The following R3HDM2 variants were observed in gnomAD, a reference collection of about 807,000 sequenced individuals.
R3HDM2 encodes the protein R3H domain-containing protein 2.
Under a neutral mutation model 124.5 loss-of-function variants are expected in R3HDM2, and 38 were observed. The ratio of observed to expected loss-of-function variants is 0.31; its 90% CI spans 0.24 to 0.40. The LOEUF is 0.40. Among genes scored for constraint, R3HDM2 ranks in the 10% least tolerant of loss-of-function variants. The pLI, the probability that R3HDM2 is intolerant of heterozygous loss-of-function variation, is 1.00. For synonymous variants in R3HDM2, 391 were observed against 448.0 expected (o/e 0.87, Z 1.61); for missense variants, 869 against 1,236.9 (o/e 0.70, Z 4.46).
chr12:57,370,407 G>GTGGA (rs2063193287), intron 2 of R3HDM2, among the ~76,000 whole-genome samples: 2 of 127,468 alleles, frequency 1.6e-5, no homozygotes. Flanking sequence ...CGGGGGGGGG[G>GTGGA]GGCGGGGTGG....
intron 2 of R3HDM2, among the ~76,000 whole-genome samples, chr12:57,388,165 A>G (rs1008763331): frequency 6.6e-6 from 1 of 151,962 alleles, no homozygotes; most frequent in Non-Finnish European, 1.5e-5. Context: ...GGGTTTCACC[A>G]TGTTGGCCAG....
chr12:57,350,237 T>TA (rs2137220766), intron 2 of R3HDM2, among the ~76,000 whole-genome samples: 1 of 151,706 alleles, frequency 6.6e-6, no homozygotes, highest in South Asian at 2.1e-4. Flanking sequence ...AAAAATAAAA[T>TA]AAAATACATT....
intron 11 of R3HDM2, among the ~76,000 whole-genome samples, chr12:57,289,933 A>G (rs551787107): frequency 1.9e-4 from 29 of 152,360 alleles, no homozygotes; most frequent in African/African-American, 6.7e-4. Flanking sequence ...TCTTTGGAGT[A>G]TGATGGGCTT....
chr12:57,353,218 T>C (rs1205470631), intron 2 of R3HDM2, among the ~76,000 whole-genome samples: 1 of 152,038 alleles, frequency 6.6e-6, no homozygotes, highest in Non-Finnish European at 1.5e-5. Context: ...AGTTTTTTTG[T>C]GAAACATACA....
At chr12:57,374,584 G>A (rs1345882025) in intron 2 of R3HDM2, among the ~76,000 whole-genome samples, 4 of 147,290 alleles carry the variant, frequency 2.7e-5, no homozygotes, top group Middle Eastern at 3.6e-3. Flanking sequence ...TTGGGAGGCT[G>A]AGGCAGGAGA....
At chr12:57,381,368 A>G (rs148518383) in intron 2 of R3HDM2, among the ~76,000 whole-genome samples, 3 of 152,236 alleles carry the variant, frequency 2.0e-5, no homozygotes, top group East Asian at 1.9e-4. Context: ...CCTGGCCAAC[A>G]TGGCGAAACC....
At chr12:57,397,204 A>G (rs561255752) in intron 1 of R3HDM2, among the ~76,000 whole-genome samples, 1 of 152,238 alleles carries the variant, frequency 6.6e-6, no homozygotes, top group Non-Finnish European at 1.5e-5. Flanking sequence ...TTCTGTGAAT[A>G]TAAGTAGGCA....
chr12:57,353,770 C>A (rs2060932315), intron 2 of R3HDM2, among the ~76,000 whole-genome samples: 1 of 152,026 alleles, frequency 6.6e-6, no homozygotes, highest in South Asian at 2.1e-4. Flanking sequence ...ATATATAAAT[C>A]TTGACATGAA....
At chr12:57,323,256 C>T (rs998053184) in intron 2 of R3HDM2, among the ~76,000 whole-genome samples, 1 of 152,098 alleles carries the variant, frequency 6.6e-6, no homozygotes, top group African/African-American at 2.4e-5. Context: ...AGGTAAATGC[C>T]TAACAGCCGT....
chr12:57,358,320 G>C (rs1400105212), intron 2 of R3HDM2, among the ~76,000 whole-genome samples: 1 of 152,006 alleles, frequency 6.6e-6, no homozygotes, highest in Non-Finnish European at 1.5e-5. Flanking sequence ...AGTATGTTTT[G>C]TCATAAAGGG....
intron 2 of R3HDM2, among the ~76,000 whole-genome samples, chr12:57,332,486 C>A (rs2058340374): frequency 6.8e-6 from 1 of 146,816 alleles, no homozygotes; most frequent in Non-Finnish European, 1.5e-5. Flanking sequence ...AATTCATGTT[C>A]TTTCTTTGAT....
chr12:57,358,810 C>G (rs1338891163), intron 2 of R3HDM2, among the ~76,000 whole-genome samples: 1 of 152,160 alleles, frequency 6.6e-6, no homozygotes, highest in African/African-American at 2.4e-5. Context: ...TTTACTTATT[C>G]TACCAATTAT....
At chr12:57,263,474 C>CT (rs11302126) in intron 19 of R3HDM2, among the ~76,000 whole-genome samples, 3 of 151,296 alleles carry the variant, frequency 2.0e-5, no homozygotes, top group Admixed American at 6.6e-5. Flanking sequence ...GTCATTGCTC[C>CT]TTTTTTTTTG....
chr12:57,384,261 G>A (rs2138418962), intron 2 of R3HDM2, among the ~76,000 whole-genome samples: 1 of 152,064 alleles, frequency 6.6e-6, no homozygotes, highest in Middle Eastern at 3.4e-3. Flanking sequence ...GGCTGAGGCA[G>A]GAGAATGGCG....
intron 2 of R3HDM2, among the ~76,000 whole-genome samples, 183 bp from the exon 3 acceptor site, chr12:57,310,646 A>G (rs183383358): frequency 3.3e-5 from 5 of 152,240 alleles, no homozygotes; most frequent in Admixed American, 3.3e-4. Flanking sequence ...TTGAGGTAAA[A>G]TTGACATAAA....
chr12:57,268,703 T>G (rs2042982774), intron 17 of R3HDM2: 1 of 694,802 alleles, frequency 1.4e-6, no homozygotes, highest in African/African-American at 1.8e-5. Flanking sequence ...ACTACTTTCC[T>G]GGGCATATAC....
chr12:57,269,723 G>A, intron 15 of R3HDM2, 29 bp downstream of exon 15: 5 of 1,613,802 alleles, frequency 3.1e-6, no homozygotes, highest in Non-Finnish European at 4.2e-6. Flanking sequence ...TGAATTAAGT[G>A]ATTTAAGCTG....
chr12:57,374,325 A>G lies in R3HDM2; in HGVS notation c.-36+21424T>C, dbSNP rs147833263. ...TGGGAGTGAGACCATCTCAAAAAAAAGTATGAAGTCTGATGAATAGTGTGT... is the reference window on the plus strand; with the variant it reads ...TGGGAGTGAGACCATCTCAAAAAAAGGTATGAAGTCTGATGAATAGTGTGT... On this transcript the variant is annotated intron_variant, in intron 2 of 23. Transcript: ENST00000402412. Among the ~76,000 whole-genome samples, 554 of 151,884 alleles carry G rather than the reference A, an allele frequency of 3.6e-3. 5 individuals are homozygous for G. The highest frequency in any genetic ancestry group is 0.013 in the African/African-American group (527 of 41,440).
intron 11 of R3HDM2, among the ~76,000 whole-genome samples, chr12:57,289,727 TGCAGA>T (rs1325705296): frequency 6.6e-6 from 1 of 152,224 alleles, no homozygotes; most frequent in Non-Finnish European, 1.5e-5. Flanking sequence ...GTGAGCTCCA[TGCAGA>T]GCAGAGCCTA....
Sources: gnomAD v4.1 joint callset for allele counts (sites outside exome capture counted in the v4.1 genomes callset) on GRCh38, gnomAD v4.1.1 for gene constraint, MANE v1.5 for transcripts, NCBI Gene and HGNC (gene_info 2026-07-23, HGNC 2026-07-21) for gene names.